ESRRG: variants seen among roughly 807,000 people sequenced by gnomAD.
The protein encoded by ESRRG is estrogen-related receptor gamma.
ESRRG carries 13 observed loss-of-function variants against 44.0 expected under a neutral mutation model. The ratio of observed to expected loss-of-function variants is 0.30; its 90% CI spans 0.19 to 0.47. ESRRG has a LOEUF of 0.47. Among genes scored for constraint, ESRRG ranks in the 20% least tolerant of loss-of-function variants. The pLI, the probability that ESRRG is intolerant of heterozygous loss-of-function variation, is 1.00. For synonymous variants in ESRRG, 215 were observed against 214.6 expected (o/e 1.00, Z -0.02); for missense variants, 395 against 580.6 (o/e 0.68, Z 3.29).
At chr1:216,677,544 C>A in intron 1 of ESRRG, 53 bp from the exon 2 acceptor site, 2 of 1,452,494 alleles carry the variant, frequency 1.4e-6, no homozygotes, top group Non-Finnish European at 1.9e-6. Context: ...GTGTCAAGCA[C>A]AGAGACCAAA....
chr1:216,650,968 C>G lies in ESRRG; in HGVS notation c.589+5G>C. ...AACCTCAGGGGCACTAGCAAAGAGC[C>G]TTACCTTCTTTCAGCATGCCCACTT... On this transcript the variant is annotated splice_donor_5th_base_variant and intron_variant, in intron 3 of 6. Coordinates refer to ENST00000408911, the MANE Select transcript of ESRRG (RefSeq NM_001438.4). 6.3e-7 allele frequency: 1 copy of G among 1,583,028 alleles called. No individual in the cohort carries two copies.
At chr1:216,797,006 C>G (rs1455602131) in intron 2 of ESRRG, among the ~76,000 whole-genome samples, 1 of 152,084 alleles carries the variant, frequency 6.6e-6, no homozygotes, top group African/African-American at 2.4e-5. Context: ...ATTCTCCTCC[C>G]TCAGCCTCCC....
At chr1:216,984,051 G>A (rs1002915318) in intron 1 of ESRRG, among the ~76,000 whole-genome samples, 3 of 148,990 alleles carry the variant, frequency 2.0e-5, no homozygotes, top group Non-Finnish European at 4.5e-5. Context: ...ATAAGAATGG[G>A]GGGGGGTATG....
At chr1:217,136,225 C>A (rs969236267) in intron 1 of ESRRG, among the ~76,000 whole-genome samples, 2 of 152,076 alleles carry the variant, frequency 1.3e-5, no homozygotes, top group African/African-American at 2.4e-5. Flanking sequence ...TCTGGGAGTA[C>A]CGGAGTGAGT....
intron 2 of ESRRG, among the ~76,000 whole-genome samples, chr1:216,779,209 A>AT (rs2093746952): frequency 3.2e-5 from 2 of 63,114 alleles, no homozygotes; most frequent in African/African-American, 7.0e-5. Flanking sequence ...TTATAAATAT[A>AT]AATATATATT....
chr1:216,628,144 A>G (rs2063504848), intron 3 of ESRRG, among the ~76,000 whole-genome samples: 1 of 152,218 alleles, frequency 6.6e-6, no homozygotes, highest in African/African-American at 2.4e-5. Context: ...CTTAGAGTCT[A>G]GAGCCACAAA....
At chr1:217,025,031 A>G (rs2080964990) in intron 1 of ESRRG, among the ~76,000 whole-genome samples, 1 of 152,162 alleles carries the variant, frequency 6.6e-6, no homozygotes, top group African/African-American at 2.4e-5. Context: ...GAGCCCCTGC[A>G]TACACTCACC....
intron 1 of ESRRG, among the ~76,000 whole-genome samples, chr1:217,061,757 C>T (rs1281560828): frequency 1.3e-5 from 2 of 152,128 alleles, no homozygotes; most frequent in African/African-American, 4.8e-5. Flanking sequence ...TGCCAAGATA[C>T]CTCCTCTTCA....
intron 2 of ESRRG, among the ~76,000 whole-genome samples, chr1:216,768,906 C>T (rs552284098): frequency 3.9e-5 from 6 of 152,070 alleles, no homozygotes; most frequent in African/African-American, 4.8e-5. Context: ...GGAATTAAAT[C>T]CCCCCCATAT....
intron 2 of ESRRG, among the ~76,000 whole-genome samples, chr1:216,839,897 T>G (rs1407668584): frequency 6.6e-6 from 1 of 152,210 alleles, no homozygotes; most frequent in Non-Finnish European, 1.5e-5. Flanking sequence ...TCAACCAGGC[T>G]TTGTTGTTCC....
intron 1 of ESRRG, among the ~76,000 whole-genome samples, chr1:217,016,531 C>T (rs2079411013): frequency 1.3e-5 from 2 of 152,126 alleles, no homozygotes; most frequent in Non-Finnish European, 2.9e-5. Flanking sequence ...CATTCTCCAA[C>T]TTCTACTACC....
chr1:216,778,518 C>G (rs1478589765), intron 2 of ESRRG, among the ~76,000 whole-genome samples: 1 of 151,806 alleles, frequency 6.6e-6, no homozygotes, highest in African/African-American at 2.4e-5. Context: ...TCTATAGATC[C>G]CTGGGTCACT....
chr1:216,583,130 C>T (rs1289237264), intron 3 of ESRRG, among the ~76,000 whole-genome samples: 1 of 152,112 alleles, frequency 6.6e-6, no homozygotes, highest in Admixed American at 6.5e-5. Context: ...TTATGAAGAA[C>T]TGCCCATATG....
chr1:216,816,081 C>T (rs1249832223), intron 2 of ESRRG, among the ~76,000 whole-genome samples: 2 of 152,192 alleles, frequency 1.3e-5, no homozygotes, highest in Non-Finnish European at 2.9e-5. Context: ...TTGAACTTGA[C>T]TTGCACAGAT....
At chr1:216,674,759 G>T (rs73090000) in intron 2 of ESRRG, among the ~76,000 whole-genome samples, 2,176 of 151,774 alleles carry the variant, frequency 0.014, 59 homozygotes, top group African/African-American at 0.049. Flanking sequence ...ACAGGTGCAT[G>T]CCACCATGCT....
intron 1 of ESRRG, among the ~76,000 whole-genome samples, chr1:217,024,250 C>T (rs1030502975): frequency 3.1e-4 from 47 of 151,734 alleles, no homozygotes; most frequent in Admixed American, 6.6e-4. Context: ...CCCAGCTACT[C>T]GGGAGGCTGA....
intron 5 of ESRRG, among the ~76,000 whole-genome samples, chr1:216,546,746 A>G (rs1012878447): frequency 6.6e-6 from 1 of 151,998 alleles, no homozygotes; most frequent in Non-Finnish European, 1.5e-5. Context: ...TTGGTTTAGC[A>G]TAGTGGATAA....
At chr1:217,016,892 G>A (rs950071046) in intron 1 of ESRRG, among the ~76,000 whole-genome samples, 2 of 152,054 alleles carry the variant, frequency 1.3e-5, no homozygotes, top group South Asian at 2.1e-4. Context: ...CTAGGCATAC[G>A]TCCATACAGT....
Position 216,602,841 on chromosome 1 carries a change from TTTAAA to T in ESRRG, c.590-34748_590-34744del, listed in dbSNP as rs539011778. Among the ~76,000 whole-genome samples, 7 of 152,378 alleles carry T rather than the reference TTTAAA, an allele frequency of 4.6e-5. No homozygotes were observed. The South Asian group carries it at 6.2e-4, about 14-fold the overall frequency. ...AAATTGGCTATAAATTAATTTAGTC[TTTAAA>T]TTAATACTTGATCAATAATCTGACA... is the stretch of plus-strand genomic sequence containing the variant. On this transcript the variant is annotated intron_variant, in intron 3 of 6. Transcript: ENST00000408911.
Sources: gnomAD v4.1 joint callset for allele counts (sites outside exome capture counted in the v4.1 genomes callset) on GRCh38, gnomAD v4.1.1 for gene constraint, MANE v1.5 for transcripts, NCBI Gene and HGNC (gene_info 2026-07-23, HGNC 2026-07-21) for gene names.